KCNMA1: variants seen among roughly 807,000 people sequenced by gnomAD.
KCNMA1 encodes the protein potassium calcium-activated channel subfamily M alpha 1, also known as Calcium-activated potassium channel subunit alpha-1.
Under a neutral mutation model 140.0 loss-of-function variants are expected in KCNMA1, and 29 were observed. The observed-to-expected ratio is 0.21, with a 90% CI of 0.15 to 0.28. The LOEUF (loss-of-function observed/expected upper bound fraction) is 0.28, where lower values mean the gene tolerates loss of function less well. KCNMA1 is among the 10% of genes least tolerant of loss of function. The pLI is 1.00. For missense variants in KCNMA1, 880 were observed against 1,602.2 expected (o/e 0.55, Z 7.70); for synonymous variants, 612 against 611.9 (o/e 1.00, Z 0.00).
chr10:77,618,353 C>T (rs2090280577), intron 1 of KCNMA1, among the ~76,000 whole-genome samples: 1 of 152,198 alleles, frequency 6.6e-6, no homozygotes, highest in African/African-American at 2.4e-5. Context: ...TCAAGATGGA[C>T]TCACAGGTCC....
intron 25 of KCNMA1, among the ~76,000 whole-genome samples, chr10:76,897,582 A>T (rs1292431640): frequency 2.0e-5 from 3 of 152,052 alleles, no homozygotes; most frequent in Non-Finnish European, 4.4e-5. Context: ...TATTGATTTA[A>T]TTTTTTTAAA....
intron 1 of KCNMA1, among the ~76,000 whole-genome samples, chr10:77,588,912 G>T (rs1160907016): frequency 6.6e-6 from 1 of 152,182 alleles, no homozygotes; most frequent in Non-Finnish European, 1.5e-5. Flanking sequence ...TGCCCTCAGG[G>T]AGCTCACCTC....
At chr10:77,044,239 C>T (rs941495259) in intron 14 of KCNMA1, among the ~76,000 whole-genome samples, 1 of 152,086 alleles carries the variant, frequency 6.6e-6, no homozygotes, top group African/African-American at 2.4e-5. Context: ...GAAATTATCA[C>T]CTTCTATCAA....
At chr10:77,038,058 C>T (rs868789990) in intron 15 of KCNMA1, among the ~76,000 whole-genome samples, 3 of 152,166 alleles carry the variant, frequency 2.0e-5, no homozygotes, top group Non-Finnish European at 2.9e-5. Flanking sequence ...TTAAAACTTT[C>T]GCTTAGAGAC....
In KCNMA1 at chr10:77,189,732, A is replaced by AC. The variant is rs1182677853; in HGVS notation, c.603-4817_603-4816insG. On this transcript the variant is annotated intron_variant, in intron 3 of 27. Transcript: ENST00000286628. ...TGTGGCTAGTCCCTTTCTAAATTGAATGGGGCCCTCTCAATTCCCACCAGG... is the reference window on the plus strand; with the variant it reads ...TGTGGCTAGTCCCTTTCTAAATTGAACTGGGGCCCTCTCAATTCCCACCAGG... 2.8e-3 allele frequency among the ~76,000 whole-genome samples: 420 copies of AC among 152,250 alleles called. 7 individuals carry two copies. The highest frequency in any genetic ancestry group is 4.3e-4 in the Non-Finnish European group (29 of 68,004).
intron 3 of KCNMA1, among the ~76,000 whole-genome samples, chr10:77,224,476 G>A (rs1394715161): frequency 1.3e-5 from 2 of 152,148 alleles, no homozygotes; most frequent in Non-Finnish European, 2.9e-5. Context: ...ACAAGAAAGG[G>A]GCTGCAGGAC....
At chr10:77,595,879 T>G (rs892119011) in intron 1 of KCNMA1, among the ~76,000 whole-genome samples, 1 of 152,172 alleles carries the variant, frequency 6.6e-6, no homozygotes, top group Admixed American at 6.5e-5. Flanking sequence ...CTCGAACTCC[T>G]GACCTCGTGA....
chr10:77,411,043 C>T (rs915118370), intron 1 of KCNMA1, among the ~76,000 whole-genome samples: 6 of 152,216 alleles, frequency 3.9e-5, no homozygotes, highest in African/African-American at 1.4e-4. Context: ...TTCTCTGTCA[C>T]CCAGGCTGGA....
chr10:77,409,337 G>C (rs548259497), intron 1 of KCNMA1, among the ~76,000 whole-genome samples: 25 of 152,322 alleles, frequency 1.6e-4, no homozygotes, highest in Non-Finnish European at 2.9e-4. Flanking sequence ...CACACACACA[G>C]TGTACAGATG....
chr10:77,366,613 T>C (rs2154406483), intron 2 of KCNMA1, among the ~76,000 whole-genome samples: 1 of 152,328 alleles, frequency 6.6e-6, no homozygotes, highest in Non-Finnish European at 1.5e-5. Flanking sequence ...ATGACAGCAA[T>C]GTTGCTGATG....
chr10:77,545,805 G>A (rs149980322), intron 1 of KCNMA1, among the ~76,000 whole-genome samples: 2 of 152,290 alleles, frequency 1.3e-5, no homozygotes, highest in Non-Finnish European at 2.9e-5. Flanking sequence ...ATGGCCTCAC[G>A]CCTGGGAAAG....
At chr10:76,948,849 G>A (rs978672847) in intron 22 of KCNMA1, 1 of 478,510 alleles carries the variant, frequency 2.1e-6, no homozygotes, top group South Asian at 2.2e-5. Flanking sequence ...AATGCTCTAG[G>A]TTTTGTATAG....
chr10:77,021,775 G>A (rs2092887547), intron 16 of KCNMA1, among the ~76,000 whole-genome samples: 1 of 152,134 alleles, frequency 6.6e-6, no homozygotes, highest in East Asian at 1.9e-4. Flanking sequence ...GTGTAAGGCA[G>A]AACCATTTGC....
At chr10:77,086,689 G>T in intron 10 of KCNMA1, 96 bp from the exon 11 acceptor site, 1 of 846,722 alleles carries the variant, frequency 1.2e-6, no homozygotes, top group Non-Finnish European at 2.0e-6. Context: ...AGGGAGCCCT[G>T]GGGAGAGGCT....
At chr10:77,163,635 C>T (rs77379534) in intron 5 of KCNMA1, among the ~76,000 whole-genome samples, 3 of 152,202 alleles carry the variant, frequency 2.0e-5, no homozygotes, top group South Asian at 2.1e-4. Context: ...CATCAAGTAA[C>T]CTTCCAAGCA....
At chr10:77,276,681 A>C (rs2154290272) in intron 2 of KCNMA1, among the ~76,000 whole-genome samples, 1 of 152,274 alleles carries the variant, frequency 6.6e-6, no homozygotes, top group South Asian at 2.1e-4. Flanking sequence ...CCAGATCCCC[A>C]GGGAGTGGGT....
intron 5 of KCNMA1, among the ~76,000 whole-genome samples, chr10:77,153,646 G>A (rs2098449954): frequency 6.6e-6 from 1 of 152,196 alleles, no homozygotes; most frequent in Non-Finnish European, 1.5e-5. Context: ...ACAGGCATGA[G>A]CCACCATGCC....
In KCNMA1 at chr10:77,082,743, C is replaced by T. The variant is rs184767690; in HGVS notation, c.1523+1894G>A. ...AGGTGTGAAGCCAGAATCTGTTCCACCCTCTCTCTGCAGCCTGGCAAGCCC... is the reference window on the plus strand; with the variant it reads ...AGGTGTGAAGCCAGAATCTGTTCCATCCTCTCTCTGCAGCCTGGCAAGCCC... On this transcript the variant is annotated intron_variant, in intron 12 of 27. Coordinates refer to ENST00000286628, the MANE Select transcript of KCNMA1 (RefSeq NM_001161352.2). 1.8e-4 allele frequency among the ~76,000 whole-genome samples: 27 copies of T among 152,310 alleles called. 1 individual carries two copies. Among genetic ancestry groups the T allele is most frequent in the Non-Finnish European group, 1.0e-4 (7 of 68,026 alleles).
chr10:77,299,204 G>A (rs1261149773), intron 2 of KCNMA1, among the ~76,000 whole-genome samples: 1 of 152,158 alleles, frequency 6.6e-6, no homozygotes, highest in Non-Finnish European at 1.5e-5. Flanking sequence ...CGCCCTCCCT[G>A]ACTTACTACT....
Sources: allele counts gnomAD v4.1 joint callset (sites outside exome capture counted in the v4.1 genomes callset), GRCh38; gene constraint gnomAD v4.1.1; transcripts MANE v1.5; gene names NCBI Gene and HGNC (gene_info 2026-07-23, HGNC 2026-07-21).